Variants in BASP1 observed in about 807,000 individuals in gnomAD.
BASP1 encodes brain acid soluble protein 1.
BASP1 carries 1 observed loss-of-function variant against 2.2 expected under a neutral mutation model. That is an observed-to-expected ratio of 0.46 (90% confidence interval 0.16 to 2.17). BASP1 has a LOEUF of 2.17. Among genes scored for constraint, BASP1 ranks in the 30% most tolerant of loss-of-function variants. BASP1 has a pLI of 0.27. For missense variants in BASP1, 352 were observed against 327.2 expected, an observed-to-expected ratio of 1.08 and a Z score of -0.58; for synonymous variants, 187 against 154.2, an observed-to-expected ratio of 1.21 and a Z score of -1.58.
intron 1 of BASP1, among the ~76,000 whole-genome samples, chr5:17,247,076 T>G (rs1446613136): frequency 1.3e-5 from 2 of 152,090 alleles, no homozygotes; most frequent in Non-Finnish European, 2.9e-5. Flanking sequence ...TCCCAGCTAC[T>G]CCGGAAGCTG....
chr5:17,255,923 G>C (rs375765961), intron 1 of BASP1, among the ~76,000 whole-genome samples: 22 of 152,294 alleles, frequency 1.4e-4, no homozygotes, highest in African/African-American at 5.1e-4. Context: ...TAGGTTTCTA[G>C]ATAGGGAACT....
At chr5:17,234,358 A>G (rs1739696202) in intron 1 of BASP1, among the ~76,000 whole-genome samples, 1 of 152,122 alleles carries the variant, frequency 6.6e-6, no homozygotes, top group East Asian at 1.9e-4. Flanking sequence ...CAAGATATAC[A>G]CTTACACATT....
At chr5:17,230,027 CA>C (rs1739599147) in intron 1 of BASP1, among the ~76,000 whole-genome samples, 1 of 152,130 alleles carries the variant, frequency 6.6e-6, no homozygotes, top group African/African-American at 2.4e-5. Flanking sequence ...GCTGGGATTA[CA>C]GGCATGAGCT....
At chr5:17,271,738 C>A (rs1288930077) in intron 1 of BASP1, among the ~76,000 whole-genome samples, 1 of 152,074 alleles carries the variant, frequency 6.6e-6, no homozygotes, top group Non-Finnish European at 1.5e-5. Flanking sequence ...ACTTTCTATA[C>A]CAAATGATGT....
At chr5:17,263,007 C>T (rs903940873) in intron 1 of BASP1, among the ~76,000 whole-genome samples, 8 of 152,080 alleles carry the variant, frequency 5.3e-5, no homozygotes, top group African/African-American at 1.4e-4. Context: ...CCACCACGCC[C>T]GGCTAATTTT....
rs1183653376 is a variant in BASP1, at chr5:17,251,917, A to G, written c.-9-23291A>G. ...CACTATGTGCATGAGTCTGAAGCTC[A>G]AGAAATAATCTAGTGGGCGCTAGAG... is the stretch of plus-strand genomic sequence containing the variant. On this transcript the variant is annotated intron_variant, in intron 1 of 1. Transcript: ENST00000322611. The surrounding 1 kb of genome is among the most constrained non-coding windows in gnomAD (Gnocchi z 4.0). Among the ~76,000 whole-genome samples the G allele has an allele frequency of 6.6e-6, 1 of 152,174 alleles. No homozygotes were observed. The highest frequency in any genetic ancestry group is 2.4e-5 in the African/African-American group (1 of 41,430).
In BASP1 at chr5:17,260,862, G is replaced by A. The variant is rs938712310; in HGVS notation, c.-9-14346G>A. ...CTATTTTACTGCTAAAACTTTGAAC[G>A]CAATCCAACAATATAAAAGGGTTAA... On this transcript the variant is annotated intron_variant, in intron 1 of 1. Transcript: ENST00000322611. The surrounding 1 kb of genome is among the most constrained non-coding windows in gnomAD (Gnocchi z 4.2). 2.0e-5 allele frequency among the ~76,000 whole-genome samples: 3 copies of A among 152,260 alleles called. No individual in the cohort carries two copies. The highest frequency in any genetic ancestry group is 1.9e-4 in the East Asian group (1 of 5,172).
chr5:17,275,468 G>C lies in BASP1; in HGVS notation c.252G>C (p.Lys84Asn). The change falls in exon 2 of 2, where the codon AAG (lysine) becomes AAC (asparagine). Residue 84 changes from lysine to asparagine, a missense_variant. Lys to Asn is a moderately conservative substitution (Grantham distance 94). Coordinates refer to ENST00000322611, the MANE Select transcript of BASP1 (RefSeq NM_006317.5). The surrounding 1 kb of genome is among the most constrained non-coding windows in gnomAD (Gnocchi z 5.3). ...DAAAAKEEAP[K>N]AEPEKTEGAA... ...CGGCTGCCAAGGAGGAGGCCCCGAA[G>C]GCGGAGCCCGAGAAGACGGAGGGCG... 6.7e-7 allele frequency: 1 copy of C among 1,498,934 alleles called. No individual in the cohort carries two copies. The highest frequency in any genetic ancestry group is 8.9e-7 in the Non-Finnish European group (1 of 1,126,140). 92.9% of individuals were successfully genotyped at this position (1,498,934 alleles called of 1,614,324 possible). A position where few individuals can be genotyped will look rare whatever the true frequency, so the allele number is the denominator to read the frequency against.
chr5:17,248,843 G>A (rs956502674), intron 1 of BASP1, among the ~76,000 whole-genome samples: 1 of 152,150 alleles, frequency 6.6e-6, no homozygotes, highest in African/African-American at 2.4e-5. Context: ...GTTTACATGT[G>A]GTGCGCCTAT....
In BASP1 at chr5:17,251,282, C is replaced by T. The variant is rs1038758307; in HGVS notation, c.-9-23926C>T. ...ATTGTATACAAGTATCAAAATATCACATGTACCCCCAAAATACATAAAATG... is the reference window on the plus strand; with the variant it reads ...ATTGTATACAAGTATCAAAATATCATATGTACCCCCAAAATACATAAAATG... On this transcript the variant is annotated intron_variant, in intron 1 of 1. Transcript: ENST00000322611. This position sits in a 1 kb window ranked among gnomAD's most constrained non-coding sequence, Gnocchi z 4.0. 6.6e-6 allele frequency among the ~76,000 whole-genome samples: 1 copy of T among 152,170 alleles called. No individual in the cohort carries two copies. Among genetic ancestry groups the T allele is most frequent in the African/African-American group, 2.4e-5 (1 of 41,434 alleles).
At chr5:17,248,461 G>A (rs1164358989) in intron 1 of BASP1, among the ~76,000 whole-genome samples, 1 of 152,110 alleles carries the variant, frequency 6.6e-6, no homozygotes, top group African/African-American at 2.4e-5. Flanking sequence ...ACTATGCTGT[G>A]TTACTTTAGA....
chr5:17,241,290 G>A (rs1019549428), intron 1 of BASP1, among the ~76,000 whole-genome samples: 1 of 151,994 alleles, frequency 6.6e-6, no homozygotes, highest in Non-Finnish European at 1.5e-5. Context: ...AGTAGAGATG[G>A]GGTTTCGCCA....
intron 1 of BASP1, among the ~76,000 whole-genome samples, chr5:17,219,167 A>G (rs1374513533): frequency 2.7e-5 from 4 of 150,860 alleles, no homozygotes; most frequent in Admixed American, 2.6e-4. Context: ...AGGCAAAATG[A>G]ATGAATCGGG....
chr5:17,237,561 TAA>T, intron 1 of BASP1, among the ~76,000 whole-genome samples: 1 of 151,614 alleles, frequency 6.6e-6, no homozygotes, highest in Non-Finnish European at 1.5e-5. Flanking sequence ...TCTCTGGAAA[TAA>T]GATGCTTAAA....
At chr5:17,227,187 C>T (rs2126490048) in intron 1 of BASP1, among the ~76,000 whole-genome samples, 1 of 150,616 alleles carries the variant, frequency 6.6e-6, no homozygotes, top group South Asian at 2.1e-4. Context: ...TCTTGGCCTC[C>T]CAAAGTGCTA....
At chr5:17,254,142 C>T (rs1740154917) in intron 1 of BASP1, among the ~76,000 whole-genome samples, 1 of 152,052 alleles carries the variant, frequency 6.6e-6, no homozygotes, top group Non-Finnish European at 1.5e-5. Flanking sequence ...ACTTTAGCAT[C>T]TTGAAGGTAA....
chr5:17,218,196 G>C lies in BASP1; in HGVS notation c.-10+386G>C, dbSNP rs533035287. 1.9e-4 allele frequency among the ~76,000 whole-genome samples: 29 copies of C among 150,964 alleles called. No homozygotes were observed. In the South Asian group the frequency reaches 4.8e-3, roughly 25 times the overall value. On this transcript the variant is annotated intron_variant, in intron 1 of 1. Transcript: ENST00000322611. ...GGGAGACGGTTCTGTGGGCTGAAGG[G>C]AGCGCTTCCGTCATCGGAGCCCTTA...
At chr5:17,219,351 G>GT (rs1285678510) in intron 1 of BASP1, among the ~76,000 whole-genome samples, 1 of 152,172 alleles carries the variant, frequency 6.6e-6, no homozygotes, top group Non-Finnish European at 1.5e-5. Context: ...ACCAATGACA[G>GT]TTTTTCCCGC....
Position 17,250,087 on chromosome 5 carries a change from A to G in BASP1, c.-9-25121A>G, listed in dbSNP as rs1474012782. Among the ~76,000 whole-genome samples, 11 of 152,198 alleles carry G rather than the reference A, an allele frequency of 7.2e-5. No individual in the cohort carries two copies. In the South Asian group the frequency reaches 2.3e-3, roughly 32 times the overall value. On this transcript the variant is annotated intron_variant, in intron 1 of 1. Coordinates refer to ENST00000322611, the MANE Select transcript of BASP1 (RefSeq NM_006317.5). ...CCTCTAAGTAGCTGGGGTTACAGACATGTGCCACCACGCCCAGCTAATTTT... is the reference window on the plus strand; with the variant it reads ...CCTCTAAGTAGCTGGGGTTACAGACGTGTGCCACCACGCCCAGCTAATTTT...
Sources: gnomAD v4.1 joint callset for allele counts (sites outside exome capture counted in the v4.1 genomes callset) on GRCh38, gnomAD v4.1.1 for gene constraint, Gnocchi (gnomAD v3.1) non-coding constraint, MANE v1.5 for transcripts, NCBI Gene and HGNC (gene_info 2026-07-23, HGNC 2026-07-21) for gene names.